The following RALA variants were observed in gnomAD, a reference collection of about 807,000 sequenced individuals.
The protein encoded by RALA is ras-related protein Ral-A.
A neutral mutation model predicts 24.0 loss-of-function variants in RALA; 5 were observed. The ratio of observed to expected loss-of-function variants is 0.21; its 90% CI spans 0.11 to 0.44. The LOEUF (loss-of-function observed/expected upper bound fraction) is 0.44. Among genes scored for constraint, RALA ranks in the 20% least tolerant of loss-of-function variants. The probability of loss-of-function intolerance (pLI) is 0.99; values close to 1 mark genes in which losing one functional copy is unlikely to be tolerated. For missense variants in RALA, 95 were observed against 241.2 expected, an observed-to-expected ratio of 0.39 and a Z score of 4.01; for synonymous variants, 77 against 83.8, an observed-to-expected ratio of 0.92 and a Z score of 0.44.
intron 2 of RALA, among the ~76,000 whole-genome samples, chr7:39,687,226 G>A (rs925221669): frequency 6.6e-6 from 1 of 152,096 alleles, no homozygotes; most frequent in African/African-American, 2.4e-5. Context: ...AGGAGATCGA[G>A]ACCATCCTGG....
At chr7:39,694,147 G>GTAC (rs1411477655) in intron 3 of RALA, among the ~76,000 whole-genome samples, 2 of 152,140 alleles carry the variant, frequency 1.3e-5, no homozygotes, top group Non-Finnish European at 2.9e-5. Flanking sequence ...ATTATAAGAT[G>GTAC]TACATTTTAA....
At chr7:39,672,845 A>G (rs180806815) in intron 1 of RALA, among the ~76,000 whole-genome samples, 14 of 152,276 alleles carry the variant, frequency 9.2e-5, no homozygotes, top group African/African-American at 3.4e-4. Context: ...ACAAGAGGAA[A>G]CTTTTTGGGG....
chr7:39,670,308 G>C (rs1177852749), intron 1 of RALA, among the ~76,000 whole-genome samples: 1 of 152,014 alleles, frequency 6.6e-6, no homozygotes, highest in African/African-American at 2.4e-5. Flanking sequence ...ACCACATCCA[G>C]GTAATTTTTA....
intron 1 of RALA, among the ~76,000 whole-genome samples, chr7:39,684,530 G>A (rs530465013): frequency 6.6e-6 from 1 of 152,044 alleles, no homozygotes; most frequent in African/African-American, 2.4e-5. Flanking sequence ...GCCCGTATGT[G>A]AGGCACAGAC....
Position 39,631,017 on chromosome 7 carries a change from T to G in RALA, c.-38+7192T>G, listed in dbSNP as rs567000759. ...TTGCTGGTTTTTTGTTTTTGTTTTT[T>G]TTTTTTTTGAGACAGAGTTTCACTG... On this transcript the variant is annotated intron_variant, in intron 1 of 4. Transcript: ENST00000005257. Among the ~76,000 whole-genome samples the G allele has an allele frequency of 1.3e-4, 20 of 151,696 alleles. No homozygotes were observed. In the East Asian group the frequency reaches 1.4e-3, roughly 10 times the overall value.
chr7:39,624,764 G>T (rs115977335), intron 1 of RALA, among the ~76,000 whole-genome samples: 1,835 of 151,766 alleles, frequency 0.012, 40 homozygotes, highest in African/African-American at 0.042. Context: ...TGTGTGGTGT[G>T]GGGGGGGAAC....
At chr7:39,671,417 A>G (rs562806555) in intron 1 of RALA, among the ~76,000 whole-genome samples, 11 of 152,284 alleles carry the variant, frequency 7.2e-5, no homozygotes, top group African/African-American at 2.2e-4. Context: ...CCTTTGTGCT[A>G]CTGGTAATGA....
intron 1 of RALA, among the ~76,000 whole-genome samples, chr7:39,667,555 C>T (rs1182278840): frequency 6.6e-6 from 1 of 152,202 alleles, no homozygotes; most frequent in Admixed American, 6.5e-5. Context: ...TCTTCTTCCC[C>T]ACTGAGTCCT....
intron 1 of RALA, among the ~76,000 whole-genome samples, chr7:39,635,928 A>G (rs1791678429): frequency 6.6e-6 from 1 of 152,128 alleles, no homozygotes; most frequent in Non-Finnish European, 1.5e-5. Context: ...CCTATTCCAG[A>G]TAATTTTTGG....
At chr7:39,698,165 T>C (rs1427346559) in intron 4 of RALA, among the ~76,000 whole-genome samples, 1 of 152,168 alleles carries the variant, frequency 6.6e-6, no homozygotes, top group Non-Finnish European at 1.5e-5. Flanking sequence ...CTCCTGATTC[T>C]TCTTAGGATA....
At chr7:39,692,555 C>T (rs767397435) in intron 3 of RALA, among the ~76,000 whole-genome samples, 6 of 152,078 alleles carry the variant, frequency 3.9e-5, no homozygotes, top group South Asian at 2.1e-4. Flanking sequence ...AAGTTTATAC[C>T]GTAGAATTAC....
At chr7:39,630,947 G>T (rs536256410) in intron 1 of RALA, among the ~76,000 whole-genome samples, 2 of 151,332 alleles carry the variant, frequency 1.3e-5, no homozygotes, top group South Asian at 2.1e-4. Context: ...TTGCCTTCTT[G>T]TATGAATTTT....
intron 4 of RALA, among the ~76,000 whole-genome samples, chr7:39,697,174 T>A (rs889836651): frequency 6.6e-6 from 1 of 152,068 alleles, no homozygotes; most frequent in African/African-American, 2.4e-5. Flanking sequence ...ATCGTGTGAG[T>A]CCCAAGATTC....
intron 1 of RALA, among the ~76,000 whole-genome samples, chr7:39,633,227 T>C (rs73381118): frequency 1.1e-4 from 16 of 152,206 alleles, no homozygotes; most frequent in African/African-American, 3.4e-4. Context: ...TAAATGTTAG[T>C]CTGTTCTCGC....
At chr7:39,671,085 C>A (rs1283859522) in intron 1 of RALA, among the ~76,000 whole-genome samples, 1 of 151,780 alleles carries the variant, frequency 6.6e-6, no homozygotes, top group Non-Finnish European at 1.5e-5. Context: ...TTCTTAATAT[C>A]TTTTAGATCC....
intron 1 of RALA, among the ~76,000 whole-genome samples, chr7:39,625,983 G>A (rs1791478548): frequency 6.6e-6 from 1 of 152,148 alleles, no homozygotes; most frequent in Admixed American, 6.5e-5. Context: ...TGAGTGGCAA[G>A]GACAATTACT....
intron 1 of RALA, among the ~76,000 whole-genome samples, chr7:39,648,113 G>A (rs897385906): frequency 6.6e-6 from 1 of 152,144 alleles, no homozygotes; most frequent in Non-Finnish European, 1.5e-5. Context: ...CATCATGTAA[G>A]CTTCTAAAGT....
At chr7:39,633,579 T>C (rs891512587) in intron 1 of RALA, among the ~76,000 whole-genome samples, 5 of 152,160 alleles carry the variant, frequency 3.3e-5, no homozygotes, top group Non-Finnish European at 5.9e-5. Context: ...CAAGTGGGGT[T>C]ATGGCGATTA....
At chr7:39,663,014 G>A (rs1427519159) in intron 1 of RALA, among the ~76,000 whole-genome samples, 1 of 152,202 alleles carries the variant, frequency 6.6e-6, no homozygotes, top group Non-Finnish European at 1.5e-5. Context: ...GCAGATGAGA[G>A]AGTGAGAGAG....
Sources: gnomAD v4.1 joint callset for allele counts (sites outside exome capture counted in the v4.1 genomes callset) on GRCh38, gnomAD v4.1.1 for gene constraint, MANE v1.5 for transcripts, NCBI Gene and HGNC (gene_info 2026-07-23, HGNC 2026-07-21) for gene names.